The following CCDC183 variants were observed in gnomAD, a reference collection of about 807,000 sequenced individuals.
The protein encoded by CCDC183 is coiled-coil domain containing 183.
CCDC183 carries 63 observed loss-of-function variants against 65.2 expected under a neutral mutation model. That is an observed-to-expected ratio of 0.97 (90% CI 0.79 to 1.19). The LOEUF is 1.19. Among genes scored for constraint, CCDC183 ranks in the 50% most tolerant of loss-of-function variants. The probability of loss-of-function intolerance (pLI) is 0.00; values close to 1 mark genes in which losing one functional copy is unlikely to be tolerated. For missense variants in CCDC183, 769 were observed against 689.3 expected (o/e 1.12, Z -1.30); for synonymous variants, 323 against 276.5 (o/e 1.17, Z -1.67).
Position 136,804,827 on chromosome 9 carries a change from A to G in CCDC183, c.847+11A>G. The G allele has an allele frequency of 6.2e-7, 1 of 1,613,104 alleles. No individual in the cohort carries two copies. The highest frequency in any genetic ancestry group is 8.5e-7 in the Non-Finnish European group (1 of 1,179,508). On this transcript the variant is annotated intron_variant, in intron 8 of 13. Transcript: ENST00000338005. This position sits in a 1 kb window ranked among gnomAD's most constrained non-coding sequence, Gnocchi z 4.1. The stretch of plus-strand genomic sequence containing the variant: ...CGGAGACCCTGAAATGTAAGCGCTC[A>G]GCTCCCCACCTGCCCCCAGCCAGGG...
In CCDC183 at chr9:136,800,184, C is replaced by T. The variant is rs1054263850; in HGVS notation, c.438+15C>T. The T allele has an allele frequency of 3.6e-5, 13 of 364,140 alleles. No individual in the cohort carries two copies. The highest frequency in any genetic ancestry group is 7.4e-4 in the Middle Eastern group (1 of 1,354). 22.6% of individuals were successfully genotyped at this position (364,140 alleles called of 1,614,324 possible). A position where few individuals can be genotyped will look rare whatever the true frequency, so the allele number is the denominator to read the frequency against. Reference sequence around the variant, plus strand: ...GGCTGCTGCAGGTGGAGAGGCGGGGCTGGGAGGGCGGGGCGGAGTCCACTG... The same window carrying T: ...GGCTGCTGCAGGTGGAGAGGCGGGGTTGGGAGGGCGGGGCGGAGTCCACTG... On this transcript the variant is annotated intron_variant, in intron 4 of 13. Coordinates refer to ENST00000338005, the MANE Select transcript of CCDC183 (RefSeq NM_001039374.5).
Position 136,805,448 on chromosome 9 carries a change from T to A in CCDC183, c.939T>A (p.Ser313=). The change falls in exon 9 of 14, where the codon TCT becomes TCA. Residue 313 remains serine (S), a synonymous_variant. Coordinates refer to ENST00000338005, the MANE Select transcript of CCDC183 (RefSeq NM_001039374.5). ...AGGTCAAGAGTGCTGTACGGTGCTCTCACGTCTGGGTAATGCCCCTGGCGC... is the reference window on the plus strand; with the variant it reads ...AGGTCAAGAGTGCTGTACGGTGCTCACACGTCTGGGTAATGCCCCTGGCGC... The part of the protein sequence containing the change: ...VEKVKSAVRC[S]HVWDITSRFL... 3 of 1,613,770 alleles carry A rather than the reference T, an allele frequency of 1.9e-6. No homozygotes were observed. In the South Asian group the frequency reaches 3.3e-5, roughly 18 times the overall value.
rs577759340 is a variant in CCDC183 at position 136,804,077 on chromosome 9, C to T, written c.667-425C>T. ...AGGCAACCCCACTAAGCGCTGGCAA[C>T]GAGAGTGGCGAGGGTGAGAGCAGTG... On this transcript the variant is annotated intron_variant, in intron 6 of 13. Transcript: ENST00000338005. The surrounding 1 kb of genome is among the most constrained non-coding windows in gnomAD (Gnocchi z 4.1). The T allele has an allele frequency of 2.6e-5, 5 of 188,892 alleles. No homozygotes were observed. In the South Asian group the frequency reaches 3.0e-4, roughly 11 times the overall value. The allele number at this position is 188,892 out of a possible 1,614,324, so 11.7% of individuals were successfully genotyped here. A position where few individuals can be genotyped will look rare whatever the true frequency, so the allele number is the denominator to read the frequency against.
Position 136,806,131 on chromosome 9 carries a change from G to T in CCDC183, c.1002G>T (p.Leu334=). The T allele has an allele frequency of 6.4e-7, 1 of 1,558,500 alleles. No homozygotes were observed. Among genetic ancestry groups the T allele is most frequent in the Non-Finnish European group, 8.7e-7 (1 of 1,150,836 alleles). ...GGAACACGGAGGAGAACCTGGAGCT[G>T]CAGATGGAGGACTGTGAGGAGTGGC... The part of the protein sequence containing the change: ...AQRNTEENLE[L]QMEDCEEWRV... The change falls in exon 10 of 14, where the codon CTG becomes CTT. Residue 334 remains leucine, a synonymous_variant. Coordinates refer to ENST00000338005, the MANE Select transcript of CCDC183 (RefSeq NM_001039374.5).
At position 136,804,881 on chromosome 9, in the gene CCDC183, G is replaced by A; in HGVS notation, c.847+65G>A. 1 of 1,431,526 alleles carries A rather than the reference G, an allele frequency of 7.0e-7. No individual in the cohort carries two copies. 88.7% of individuals were successfully genotyped at this position (1,431,526 alleles called of 1,614,324 possible). A position where few individuals can be genotyped will look rare whatever the true frequency, so the allele number is the denominator to read the frequency against. ...CAAGGAGAGGCTGGCACTGATTCAG[G>A]CCAACGGATCAAGTCACCCTGAGGC... On this transcript the variant is annotated intron_variant, in intron 8 of 13. Transcript: ENST00000338005. This position sits in a 1 kb window ranked among gnomAD's most constrained non-coding sequence, Gnocchi z 4.1.
chr9:136,801,576 C>A (rs1488562558), intron 5 of CCDC183, among the ~76,000 whole-genome samples: 2 of 151,832 alleles, frequency 1.3e-5, no homozygotes, highest in African/African-American at 2.4e-5. Flanking sequence ...CATGGTGGTG[C>A]ATGCCTGTAA....
intron 9 of CCDC183, among the ~76,000 whole-genome samples, chr9:136,805,796 C>T (rs906664358): frequency 1.1e-4 from 17 of 152,190 alleles, no homozygotes; most frequent in African/African-American, 3.6e-4. Context: ...TCTACCCTCT[C>T]TGCCTGCCAT....
rs571693079 is a variant in CCDC183, at chr9:136,804,197, T to C, written c.667-305T>C. 2 of 354,782 alleles carry C rather than the reference T, an allele frequency of 5.6e-6. No individual in the cohort carries two copies. The highest frequency in any genetic ancestry group is 3.1e-5 in the South Asian group (1 of 32,604). The allele number at this position is 354,782 out of a possible 1,614,324, so 22.0% of individuals were successfully genotyped here. ...GGTTTTGGGGAAGAGGATGAATCTG[T>C]CTTCAGGCAGGCTGAATGCACTTCC... On this transcript the variant is annotated intron_variant, in intron 6 of 13. Transcript: ENST00000338005. The surrounding 1 kb of genome is among the most constrained non-coding windows in gnomAD (Gnocchi z 4.1).
intron 2 of CCDC183, 153 bp downstream of exon 2, chr9:136,799,376 C>A: frequency 7.9e-7 from 1 of 1,263,338 alleles, no homozygotes; most frequent in Non-Finnish European, 1.1e-6. Flanking sequence ...GACCTGTGCC[C>A]TGGGCTCCAG....
At chr9:136,800,361 C>A in intron 4 of CCDC183, 28 bp from the exon 5 acceptor site, 1 of 1,585,036 alleles carries the variant, frequency 6.3e-7, no homozygotes. Context: ...TCCCCACGCC[C>A]TCTCACTGCG....
At position 136,804,608 on chromosome 9, in the gene CCDC183, C is replaced by T. The variant is rs573748876; in HGVS notation, c.773C>T (p.Thr258Ile). 1.2e-6 allele frequency: 2 copies of T among 1,613,752 alleles called. No homozygotes were observed. The highest frequency in any genetic ancestry group is 1.1e-5 in the South Asian group (1 of 91,084). ...KLIDKIHTKE[T>I]SEKYRRGQMD... ...ATCGACAAGATCCACACGAAGGAGACCAGCGAGAAGTACCGCCGGGTAAGC... is the reference window on the plus strand; with the variant it reads ...ATCGACAAGATCCACACGAAGGAGATCAGCGAGAAGTACCGCCGGGTAAGC... Residue 258 changes from threonine to isoleucine, a missense_variant, in exon 7 of 14, where the codon ACC (threonine) becomes ATC (isoleucine). By Grantham distance (89) the Thr-to-Ile change is moderately conservative (BLOSUM62 -1). Transcript: ENST00000338005. The surrounding 1 kb of genome is among the most constrained non-coding windows in gnomAD (Gnocchi z 4.1).
At chr9:136,799,966 C>G (rs769342686) in intron 3 of CCDC183, 36 bp from the exon 4 acceptor site, 4 of 1,561,878 alleles carry the variant, frequency 2.6e-6, no homozygotes, top group Non-Finnish European at 3.5e-6. Flanking sequence ...CGGCCCCCTA[C>G]GCAACCACGA....
Position 136,804,286 on chromosome 9 carries a change from G to C in CCDC183, c.667-216G>C. The C allele has an allele frequency of 1.7e-6, 1 of 588,590 alleles. No homozygotes were observed. Among genetic ancestry groups the C allele is most frequent in the South Asian group, 2.0e-5 (1 of 49,086 alleles). The allele number at this position is 588,590 out of a possible 1,614,324, so 36.5% of individuals were successfully genotyped here. On this transcript the variant is annotated intron_variant, in intron 6 of 13. Coordinates refer to ENST00000338005, the MANE Select transcript of CCDC183 (RefSeq NM_001039374.5). This position sits in a 1 kb window ranked among gnomAD's most constrained non-coding sequence, Gnocchi z 4.1. ...GCCAGCGGCTGGAGGGCAGCAGAGC[G>C]TCTGGGCTGGCACATGCTCTGAGGC...
chr9:136,807,576 C>G lies in CCDC183; in HGVS notation c.1491C>G (p.Thr497=). The part of the protein sequence containing the change: ...FENREEDMID[T]FQFPDMDHSY... ...AGCCGCCGCCTCCGCCCGCAGACAC[C>G]TTCCAGTTCCCCGACATGGACCACA... Residue 497 remains threonine (T), a synonymous_variant, in exon 14 of 14, where the codon ACC becomes ACG. Transcript: ENST00000338005. 1 of 1,603,040 alleles carries G rather than the reference C, an allele frequency of 6.2e-7. No individual in the cohort carries two copies. Among genetic ancestry groups the G allele is most frequent in the Non-Finnish European group, 8.5e-7 (1 of 1,175,578 alleles).
In CCDC183 at chr9:136,806,250, T is replaced by A; in HGVS notation, c.1109+12T>A. On this transcript the variant is annotated intron_variant, in intron 10 of 13. Coordinates refer to ENST00000338005, the MANE Select transcript of CCDC183 (RefSeq NM_001039374.5). ...CCTAGCTCCATCAGGTGCCCCGGGC[T>A]TCCGGGGCTGCGGGCCACCCACCCC... is the stretch of plus-strand genomic sequence containing the variant. The A allele has an allele frequency of 6.3e-7, 1 of 1,584,752 alleles. No individual in the cohort carries two copies. The highest frequency in any genetic ancestry group is 8.6e-7 in the Non-Finnish European group (1 of 1,165,406).
Position 136,804,846 on chromosome 9 carries a change from G to A in CCDC183, c.847+30G>A, listed in dbSNP as rs1217100160. The A allele has an allele frequency of 1.2e-6, 2 of 1,604,498 alleles. No homozygotes were observed. The highest frequency in any genetic ancestry group is 1.7e-6 in the Non-Finnish European group (2 of 1,172,016). Reference sequence around the variant, plus strand: ...GCGCTCAGCTCCCCACCTGCCCCCAGCCAGGGTCCCAAGGAGAGGCTGGCA... The same window carrying A: ...GCGCTCAGCTCCCCACCTGCCCCCAACCAGGGTCCCAAGGAGAGGCTGGCA... On this transcript the variant is annotated intron_variant, in intron 8 of 13. Transcript: ENST00000338005. This position sits in a 1 kb window ranked among gnomAD's most constrained non-coding sequence, Gnocchi z 4.1.
At chr9:136,796,557 G>T in intron 1 of CCDC183, 90 bp downstream of exon 1, 1 of 861,998 alleles carries the variant, frequency 1.2e-6, no homozygotes, top group Non-Finnish European at 1.9e-6. Context: ...AGATCAGATT[G>T]TTACTGTCTA....
At chr9:136,805,521 TGCTCCCTGG>T (rs1847828379) in intron 9 of CCDC183, 64 bp downstream of exon 9, 1 of 1,422,586 alleles carries the variant, frequency 7.0e-7, no homozygotes, top group Non-Finnish European at 9.8e-7. Flanking sequence ...GTCTGGGTAA[TGCTCCCTGG>T]CACTCCCGGA....
chr9:136,805,644 C>T, intron 9 of CCDC183, 187 bp downstream of exon 9: 1 of 593,048 alleles, frequency 1.7e-6, no homozygotes, highest in Non-Finnish European at 3.0e-6. Flanking sequence ...TTATCTTAAT[C>T]CCATCTGTGT....
Sources: allele counts gnomAD v4.1 joint callset (sites outside exome capture counted in the v4.1 genomes callset), GRCh38; gene constraint gnomAD v4.1.1; non-coding constraint Gnocchi (gnomAD v3.1); transcripts MANE v1.5; gene names NCBI Gene and HGNC (gene_info 2026-07-23, HGNC 2026-07-21).